The following PBLD variants were observed in gnomAD, a reference collection of about 807,000 sequenced individuals.
The protein encoded by PBLD is phenazine biosynthesis-like domain-containing protein.
A neutral mutation model predicts 31.3 loss-of-function variants in PBLD; 26 were observed. The ratio of observed to expected loss-of-function variants is 0.83; its 90% CI spans 0.61 to 1.15. PBLD has a LOEUF of 1.15. Among genes scored for constraint, PBLD ranks in the 50% most tolerant of loss-of-function variants. PBLD has a pLI of 0.00. For missense variants in PBLD, 307 were observed against 351.7 expected, an observed-to-expected ratio of 0.87 and a Z score of 1.02; for synonymous variants, 114 against 129.0, an observed-to-expected ratio of 0.88 and a Z score of 0.79.
At chr10:68,327,546 T>C (rs1401459837) in intron 1 of PBLD, among the ~76,000 whole-genome samples, 3 of 151,724 alleles carry the variant, frequency 2.0e-5, no homozygotes, top group Non-Finnish European at 4.4e-5. Flanking sequence ...GGCGTGGTCA[T>C]GCATGCCTGT....
intron 1 of PBLD, among the ~76,000 whole-genome samples, chr10:68,317,641 A>AG (rs1369257230): frequency 6.6e-6 from 1 of 151,780 alleles, no homozygotes; most frequent in Non-Finnish European, 1.5e-5. Flanking sequence ...ACCAAAAAAA[A>AG]TTACAAAAAT....
chr10:68,318,679 T>C (rs1220669237), intron 1 of PBLD, among the ~76,000 whole-genome samples: 4 of 152,126 alleles, frequency 2.6e-5, no homozygotes, highest in Non-Finnish European at 4.4e-5. Context: ...ACTATTAAAA[T>C]TAAGTTTCTG....
intron 1 of PBLD, among the ~76,000 whole-genome samples, chr10:68,309,406 CAAAAAA>C (rs58152894): frequency 7.0e-5 from 8 of 114,704 alleles, no homozygotes; most frequent in African/African-American, 1.9e-4. Context: ...GATTATGTTT[CAAAAAA>C]AAAAAAAAAA....
Position 68,284,185 on chromosome 10 carries a change from T to C in PBLD, c.859A>G (p.Thr287Ala), listed in dbSNP as rs773941206. 2.5e-6 allele frequency: 4 copies of C among 1,613,612 alleles called. No homozygotes were observed. Among genetic ancestry groups the C allele is most frequent in the Non-Finnish European group, 8.5e-7 (1 of 1,179,692 alleles). ...TCACAGCATAACCACCTCTAGGCTG[T>C]CAGTGTGCCCTCTAAAACAACAGCT... is the stretch of plus-strand genomic sequence containing the variant. ...GAAVVLEGTLTA is the reference protein window; with the variant it reads ...GAAVVLEGTLAA Residue 287 changes from threonine to alanine, a missense_variant, in exon 10 of 10, where the codon ACA becomes GCA. Transcript: ENST00000358769.
chr10:68,285,521 A>C, intron 8 of PBLD, 111 bp from the exon 9 acceptor site: 2 of 1,416,542 alleles, frequency 1.4e-6, no homozygotes, highest in African/African-American at 1.4e-5. Context: ...ACTCTAGATC[A>C]CCTAAATCAT....
At chr10:68,285,792 C>T (rs937464802) in intron 8 of PBLD, among the ~76,000 whole-genome samples, 1 of 152,036 alleles carries the variant, frequency 6.6e-6, no homozygotes, top group African/African-American at 2.4e-5. Context: ...CATCCTCCTA[C>T]CTCAGCCCCC....
Position 68,292,030 on chromosome 10 carries a change from C to CATGGAAGTCCTAG in PBLD, c.394-4_402dup (p.Glu135LeufsTer5), listed in dbSNP as rs754406325. ...CCAACCTTTATCAAGTCCTCTACTTCATGGAAGTCCTAGATGGGGGGAAAA... is the reference window on the plus strand; with the variant it reads ...CCAACCTTTATCAAGTCCTCTACTTCATGGAAGTCCTAGATGGAAGTCCTAGATGGGGGGAAAA... On this transcript the variant is annotated frameshift_variant, in exon 6 of 10. Transcript: ENST00000358769. LOFTEE classifies it high-confidence loss of function. 1 of 1,590,364 alleles carries CATGGAAGTCCTAG rather than the reference C, an allele frequency of 6.3e-7. No individual in the cohort carries two copies. Among genetic ancestry groups the CATGGAAGTCCTAG allele is most frequent in the Non-Finnish European group, 8.6e-7 (1 of 1,159,018 alleles).
chr10:68,314,867 G>A (rs2044716278), intron 1 of PBLD, among the ~76,000 whole-genome samples: 1 of 152,088 alleles, frequency 6.6e-6, no homozygotes, highest in Admixed American at 6.6e-5. Context: ...TTGGCTCACT[G>A]CAACCTCTAC....
intron 1 of PBLD, among the ~76,000 whole-genome samples, chr10:68,330,000 G>GT (rs1454255758): frequency 6.6e-6 from 1 of 151,934 alleles, no homozygotes; most frequent in Non-Finnish European, 1.5e-5. Flanking sequence ...TTTCAGGGTT[G>GT]TAAGAGTACA....
chr10:68,291,119 T>G (rs568607956), intron 6 of PBLD, among the ~76,000 whole-genome samples: 72 of 152,306 alleles, frequency 4.7e-4, no homozygotes, highest in Non-Finnish European at 7.2e-4. Context: ...AGAATCATTT[T>G]TCTCATGACA....
intron 1 of PBLD, among the ~76,000 whole-genome samples, chr10:68,326,350 T>A (rs1363722913): frequency 1.3e-5 from 2 of 152,164 alleles, no homozygotes; most frequent in Non-Finnish European, 2.9e-5. Flanking sequence ...GTACTTGTAT[T>A]TTTTATGGAT....
chr10:68,332,295 G>C (rs2295972), intron 1 of PBLD: 7,081 of 152,286 alleles, frequency 0.046, 257 homozygotes, highest in East Asian at 0.17. Flanking sequence ...GCCGGGAGGG[G>C]CTGGGTTGGG....
At chr10:68,285,495 T>G in intron 8 of PBLD, 85 bp from the exon 9 acceptor site, 1 of 1,519,072 alleles carries the variant, frequency 6.6e-7, no homozygotes, top group South Asian at 1.3e-5. Context: ...TACAATCAAT[T>G]ATCCAGTTTG....
chr10:68,312,733 C>T (rs1181644656), intron 1 of PBLD, among the ~76,000 whole-genome samples: 17 of 147,014 alleles, frequency 1.2e-4, no homozygotes, highest in Admixed American at 6.2e-4. Flanking sequence ...CCTCAGCCTC[C>T]GGAGTAGCTG....
chr10:68,331,850 A>T (rs1404840359), intron 1 of PBLD: 1 of 152,328 alleles, frequency 6.6e-6, no homozygotes, highest in Non-Finnish European at 1.5e-5. Context: ...TAAGCAAGAA[A>T]AACGGTGCGC....
intron 1 of PBLD, among the ~76,000 whole-genome samples, chr10:68,307,794 C>T (rs548660786): frequency 2.0e-5 from 3 of 152,176 alleles, no homozygotes; most frequent in South Asian, 4.2e-4. Context: ...CCACCGCACC[C>T]GGCCGCTTAA....
At chr10:68,322,859 C>T (rs1038979416) in intron 1 of PBLD, among the ~76,000 whole-genome samples, 24 of 151,800 alleles carry the variant, frequency 1.6e-4, no homozygotes, top group Admixed American at 8.5e-4. Context: ...GTGAGCCTCT[C>T]CATTAACTGG....
At chr10:68,332,632 A>T (rs1000292075) in intron 1 of PBLD, among the ~76,000 whole-genome samples, 152 bp downstream of exon 1, 11 of 151,820 alleles carry the variant, frequency 7.2e-5, no homozygotes, top group Non-Finnish European at 1.5e-5. Flanking sequence ...CCTGGAAGGG[A>T]TGAGGGTGGG....
intron 4 of PBLD, among the ~76,000 whole-genome samples, 174 bp from the exon 5 acceptor site, chr10:68,292,412 C>T: frequency 6.6e-6 from 1 of 152,122 alleles, no homozygotes; most frequent in Non-Finnish European, 1.5e-5. Context: ...TAGATTCTAA[C>T]TTGAGAACCA....
Sources: allele counts gnomAD v4.1 joint callset (sites outside exome capture counted in the v4.1 genomes callset), GRCh38; gene constraint gnomAD v4.1.1; transcripts MANE v1.5; gene names NCBI Gene and HGNC (gene_info 2026-07-23, HGNC 2026-07-21).